Variants in ZFP64 observed in about 807,000 individuals in gnomAD.
The protein encoded by ZFP64 is ZFP64 zinc finger protein.
A neutral mutation model predicts 51.6 loss-of-function variants in ZFP64; 14 were observed. That is an observed-to-expected ratio of 0.27 (90% confidence interval 0.18 to 0.42). ZFP64 has a LOEUF of 0.42. Among genes scored for constraint, ZFP64 ranks in the 10% least tolerant of loss-of-function variants. The probability of loss-of-function intolerance (pLI) is 1.00; values close to 1 mark genes in which losing one functional copy is unlikely to be tolerated. For synonymous variants in ZFP64, 375 were observed against 361.4 expected, an observed-to-expected ratio of 1.04 and a Z score of -0.43; for missense variants, 754 against 906.8, an observed-to-expected ratio of 0.83 and a Z score of 2.16.
intron 5 of ZFP64, among the ~76,000 whole-genome samples, chr20:52,114,880 A>G (rs543670867): frequency 1.4e-3 from 210 of 152,308 alleles, no homozygotes; most frequent in Non-Finnish European, 2.0e-3. Flanking sequence ...GGCTACATTA[A>G]ACTGAGGTTT....
intron 5 of ZFP64, among the ~76,000 whole-genome samples, chr20:52,124,135 G>A (rs1362192135): frequency 6.6e-6 from 1 of 150,478 alleles, no homozygotes; most frequent in Admixed American, 6.7e-5. Flanking sequence ...CTCCCAAAGT[G>A]CTGGGCTAGT....
At chr20:52,134,973 C>T (rs1462709326) in intron 5 of ZFP64, among the ~76,000 whole-genome samples, 1 of 152,110 alleles carries the variant, frequency 6.6e-6, no homozygotes. Flanking sequence ...AGCGATCCTC[C>T]CACCTCAGCC....
chr20:52,103,663 C>T (rs1370499915), intron 5 of ZFP64, among the ~76,000 whole-genome samples: 1 of 152,180 alleles, frequency 6.6e-6, no homozygotes, highest in African/African-American at 2.4e-5. Context: ...TAAACACCTC[C>T]CCCAAAAGAC....
intron 2 of ZFP64, among the ~76,000 whole-genome samples, chr20:52,181,395 A>G (rs1298922808): frequency 1.3e-5 from 2 of 152,222 alleles, no homozygotes; most frequent in Non-Finnish European, 2.9e-5. Context: ...GAAAATGCAC[A>G]TGGGATATAT....
chr20:52,117,078 C>T (rs539296560), intron 5 of ZFP64, among the ~76,000 whole-genome samples: 3 of 147,250 alleles, frequency 2.0e-5, no homozygotes, highest in African/African-American at 7.5e-5. Context: ...CTCACACACA[C>T]ACGCACACAC....
At chr20:52,098,524 G>C (rs199967473) in exon 6 of ZFP64, 3 of 1,614,076 alleles carry the variant, frequency 1.9e-6, no homozygotes, top group South Asian at 2.2e-5. Flanking sequence ...AGGGGCCTTC[G>C]GAGTGTCAGT....
chr20:52,179,295 A>C (rs1983452181), intron 2 of ZFP64, among the ~76,000 whole-genome samples: 1 of 152,096 alleles, frequency 6.6e-6, no homozygotes, highest in Admixed American at 6.6e-5. Flanking sequence ...TTCTTTTGTA[A>C]ACTGTTCAGT....
intron 2 of ZFP64, among the ~76,000 whole-genome samples, chr20:52,168,190 A>G (rs1982440452): frequency 6.6e-6 from 1 of 152,018 alleles, no homozygotes; most frequent in African/African-American, 2.4e-5. Context: ...GTATTTGAGT[A>G]AAGCCACAGT....
rs1400617010 is a variant in ZFP64, at chr20:52,160,273, A to T, written c.613T>A (p.Cys205Ser). The T allele has an allele frequency of 1.9e-6, 3 of 1,614,094 alleles. No homozygotes were observed. In the Admixed American group the frequency reaches 5.0e-5, roughly 27 times the overall value. ...GCAGCGGCGTAGTCACACGTCTTAC[A>T]CTTGTAGGGCTTCACGCCCGTGTGG... Reference protein sequence around the residue: ...RCHTGVKPYKCKTCDYAAADS... With the variant: ...RCHTGVKPYKSKTCDYAAADS... Residue 205 changes from cysteine to serine, a missense_variant, in exon 5 of 6, where the codon TGT becomes AGT. Around this residue, in one of 3 missense-constraint regions of ZFP64, gnomAD observed 231 missense variants for 336.7 expected, o/e 0.69. Transcript: ENST00000216923. This position sits in a 1 kb window ranked among gnomAD's most constrained non-coding sequence, Gnocchi z 4.2.
At chr20:52,190,232 G>C (rs985792932) in intron 1 of ZFP64, among the ~76,000 whole-genome samples, 4 of 152,204 alleles carry the variant, frequency 2.6e-5, no homozygotes, top group African/African-American at 9.6e-5. Flanking sequence ...AAACAAGGAA[G>C]TGAGACATGA....
At position 52,151,803 on chromosome 20, in the gene ZFP64, G is replaced by A; in HGVS notation, c.*343C>T. On this transcript the variant is annotated 3_prime_UTR_variant, in exon 6 of 6. Transcript: ENST00000216923. The stretch of plus-strand genomic sequence containing the variant: ...ATGGTGGCTCACACCTGTAATCCCA[G>A]CACTTTGGGAGGCTGAGGTGGGCAG... 14 of 1,072,774 alleles carry A rather than the reference G, an allele frequency of 1.3e-5. No homozygotes were observed. The highest frequency in any genetic ancestry group is 1.6e-5 in the Non-Finnish European group (14 of 881,760). 66.5% of individuals were successfully genotyped at this position (1,072,774 alleles called of 1,614,324 possible).
Sources: gnomAD v4.1 joint callset for allele counts (sites outside exome capture counted in the v4.1 genomes callset) on GRCh38, gnomAD v4.1.1 for gene constraint, gnomAD v4.1.1 regional missense constraint, Gnocchi (gnomAD v3.1) non-coding constraint, MANE v1.5 for transcripts, NCBI Gene and HGNC (gene_info 2026-07-23, HGNC 2026-07-21) for gene names.